Variants in CARD14 observed in about 807,000 individuals in gnomAD.
CARD14 encodes the protein caspase recruitment domain family member 14.
A neutral mutation model predicts 111.5 loss-of-function variants in CARD14; 107 were observed. That is an observed-to-expected ratio of 0.96 (90% CI 0.82 to 1.13). CARD14 has a LOEUF of 1.13. CARD14 is among the 50% of genes most tolerant of loss of function. The probability of loss-of-function intolerance (pLI) is 0.00; values close to 1 mark genes in which losing one functional copy is unlikely to be tolerated. For synonymous variants in CARD14, 617 were observed against 579.6 expected (o/e 1.06, Z -0.93); for missense variants, 1,322 against 1,362.3 (o/e 0.97, Z 0.47).
chr17:80,198,165 AAGC>A lies in CARD14; in HGVS notation c.1658+9_1658+11del, dbSNP rs773281285. The A allele has an allele frequency of 1.3e-5, 21 of 1,613,676 alleles. No individual in the cohort carries two copies. Among genetic ancestry groups the A allele is most frequent in the Admixed American group, 1.7e-5 (1 of 59,996 alleles). ...GGAAGGCTTGATGTCTCGGAGAGGTAAGCAGCAGGTGGGAATCCTCCGAGGCTG... is the reference window on the plus strand; with the variant it reads ...GGAAGGCTTGATGTCTCGGAGAGGTAAGCAGGTGGGAATCCTCCGAGGCTG... On this transcript the variant is annotated splice_donor_5th_base_variant and intron_variant, in intron 15 of 23. Transcript: ENST00000648509. This position sits in a 1 kb window ranked among gnomAD's most constrained non-coding sequence, Gnocchi z 7.5.
At chr17:80,175,030 C>T (rs1464510037) in intron 2 of CARD14, among the ~76,000 whole-genome samples, 1 of 151,680 alleles carries the variant, frequency 6.6e-6, no homozygotes, top group African/African-American at 2.4e-5. Flanking sequence ...GGCTGGAGTG[C>T]AGTGATGCAA....
At chr17:80,191,160 C>T (rs1338522623) in intron 10 of CARD14, among the ~76,000 whole-genome samples, 163 bp from the exon 11 acceptor site, 1 of 152,244 alleles carries the variant, frequency 6.6e-6, no homozygotes, top group Non-Finnish European at 1.5e-5. Context: ...ATCAACACTG[C>T]ACATGTGAAC....
chr17:80,171,172 T>G (rs1427036817), intron 1 of CARD14, among the ~76,000 whole-genome samples: 2 of 23,660 alleles, frequency 8.5e-5, no homozygotes, highest in African/African-American at 1.9e-4. Flanking sequence ...TCCCCTCCCC[T>G]TCCTCCCTCC....
rs2144248236 is a variant in CARD14 at position 80,189,756 on chromosome 17, G to T, written c.847G>T (p.Glu283Ter). The change falls in exon 9 of 24, where the codon GAG (glutamate) becomes TAG (stop). Residue 283 changes from glutamate (E) to a stop codon, truncating the protein, a stop_gained. Transcript: ENST00000648509. LOFTEE classifies it high-confidence loss of function. The surrounding 1 kb of genome is among the most constrained non-coding windows in gnomAD (Gnocchi z 4.7). ...GGCTGACCTCTCTCTGCCCCAGGCG[G>T]AGAAGGACATTCTGGAGCAGAGCCT... Reference protein sequence around the residue: ...KLRSLTFSLAEKDILEQSLDE... With the variant: ...KLRSLTFSLA 6.3e-7 allele frequency: 1 copy of T among 1,577,654 alleles called. No individual in the cohort carries two copies. Among genetic ancestry groups the T allele is most frequent in the Non-Finnish European group, 8.6e-7 (1 of 1,166,180 alleles).
chr17:80,173,325 C>CGT (rs1491108691), intron 2 of CARD14, 97 bp downstream of exon 2: 1 of 57,210 alleles, frequency 1.7e-5, no homozygotes, highest in East Asian at 7.2e-4. Context: ...CACACACACA[C>CGT]GCGCGCGCGC....
chr17:80,204,460 G>A (rs1288563658), intron 20 of CARD14, 119 bp downstream of exon 20: 7 of 979,050 alleles, frequency 7.1e-6, no homozygotes. Flanking sequence ...CCAGGATCTG[G>A]TCTTCAAGAA....
chr17:80,189,916 G>C lies in CARD14; in HGVS notation c.963+44G>C. ...CTCCCTTGTGACTCTCCTGGGGCTTGTCTCAGGGGTGCGGACAGGTCTGTG... is the reference window on the plus strand; with the variant it reads ...CTCCCTTGTGACTCTCCTGGGGCTTCTCTCAGGGGTGCGGACAGGTCTGTG... On this transcript the variant is annotated intron_variant, in intron 9 of 23. Transcript: ENST00000648509. The surrounding 1 kb of genome is among the most constrained non-coding windows in gnomAD (Gnocchi z 4.7). 6.4e-7 allele frequency: 1 copy of C among 1,568,976 alleles called. No individual in the cohort carries two copies. The highest frequency in any genetic ancestry group is 8.6e-7 in the Non-Finnish European group (1 of 1,165,318).
chr17:80,198,932 ATTTCT>A lies in CARD14; in HGVS notation c.1851+349_1851+353del. ...AATTCACTATTTTAACCACTGGGGCATTTCTTTTCTTTCTTTTTTTTTGTTTGTTG... is the reference window on the plus strand; with the variant it reads ...AATTCACTATTTTAACCACTGGGGCATTTCTTTCTTTTTTTTTGTTTGTTG... On this transcript the variant is annotated intron_variant, in intron 16 of 23. Transcript: ENST00000648509. This position sits in a 1 kb window ranked among gnomAD's most constrained non-coding sequence, Gnocchi z 7.5. The A allele has an allele frequency of 3.4e-6, 4 of 1,175,072 alleles. No individual in the cohort carries two copies. The highest frequency in any genetic ancestry group is 1.6e-5 in the African/African-American group (1 of 62,714). 72.8% of individuals were successfully genotyped at this position (1,175,072 alleles called of 1,614,324 possible). A position where few individuals can be genotyped will look rare whatever the true frequency, so the allele number is the denominator to read the frequency against.
In CARD14 at chr17:80,208,357, C is replaced by T; in HGVS notation, c.*12C>T. The T allele has an allele frequency of 6.3e-7, 1 of 1,577,930 alleles. No individual in the cohort carries two copies. The highest frequency in any genetic ancestry group is 1.3e-5 in the African/African-American group (1 of 74,690). ...AGAGCCCCCGATGATGCACCGTGCC[C>T]CTTCCCGGGACTGTGGGGGCTTCTG... On this transcript the variant is annotated 3_prime_UTR_variant, in exon 24 of 24. Coordinates refer to ENST00000648509, the MANE Select transcript of CARD14 (RefSeq NM_001366385.1).
rs764789292 is a variant in CARD14, at chr17:80,208,376, G to A, written c.*31G>A. 3 of 1,527,380 alleles carry A rather than the reference G, an allele frequency of 2.0e-6. No homozygotes were observed. The highest frequency in any genetic ancestry group is 2.7e-6 in the Non-Finnish European group (3 of 1,126,510). The allele number at this position is 1,527,380 out of a possible 1,614,324, so 94.6% of individuals were successfully genotyped here. ...CGTGCCCCTTCCCGGGACTGTGGGG[G>A]CTTCTGTGTGCCTGTTAATGCAGTC... On this transcript the variant is annotated 3_prime_UTR_variant, in exon 24 of 24. Transcript: ENST00000648509.
At chr17:80,186,223 G>A (rs1448197711) in intron 7 of CARD14, among the ~76,000 whole-genome samples, 2 of 150,988 alleles carry the variant, frequency 1.3e-5, no homozygotes, top group African/African-American at 4.9e-5. Flanking sequence ...GCTGACTTTG[G>A]ACCAGGCCAG....
In CARD14 at chr17:80,198,787, GTC is replaced by G. The variant is rs1350146123; in HGVS notation, c.1851+197_1851+198del. The G allele has an allele frequency of 6.7e-7, 1 of 1,492,584 alleles. No homozygotes were observed. Among genetic ancestry groups the G allele is most frequent in the African/African-American group, 1.4e-5 (1 of 71,706 alleles). 92.5% of individuals were successfully genotyped at this position (1,492,584 alleles called of 1,614,324 possible). On this transcript the variant is annotated intron_variant, in intron 16 of 23. Coordinates refer to ENST00000648509, the MANE Select transcript of CARD14 (RefSeq NM_001366385.1). This position sits in a 1 kb window ranked among gnomAD's most constrained non-coding sequence, Gnocchi z 7.5. ...AGTCGTGCCGTGCAGAACCCAGCAT[GTC>G]ACCCGTGGTGCTGCTGCCATGCGGC...
Position 80,181,405 on chromosome 17 carries a change from G to T in CARD14, c.-20-14G>T. 6.5e-7 allele frequency: 1 copy of T among 1,543,460 alleles called. No individual in the cohort carries two copies. Among genetic ancestry groups the T allele is most frequent in the Non-Finnish European group, 8.8e-7 (1 of 1,140,766 alleles). ...CTTACCTGACAACTCCACCCCCATG[G>T]CCACCCCTCCTAGGGTCCTCCCAGC... On this transcript the variant is annotated splice_polypyrimidine_tract_variant and intron_variant, in intron 4 of 23. Coordinates refer to ENST00000648509, the MANE Select transcript of CARD14 (RefSeq NM_001366385.1).
chr17:80,171,707 C>G (rs555400459), intron 1 of CARD14, among the ~76,000 whole-genome samples: 1 of 152,290 alleles, frequency 6.6e-6, no homozygotes, highest in South Asian at 2.1e-4. Context: ...TGAGGGGCAG[C>G]TGGCTGGGGC....
chr17:80,177,252 A>G lies in CARD14; in HGVS notation c.-366-1256A>G, dbSNP rs191733163. On this transcript the variant is annotated intron_variant, in intron 2 of 23. Transcript: ENST00000648509. ...TTCTTCTTTCTTTTTTTTTTAAGAC[A>G]GGGTCTTGCTCTGTCGTCCAGGCTG... 2.2e-3 allele frequency among the ~76,000 whole-genome samples: 328 copies of G among 151,472 alleles called. 1 individual carries two copies. The highest frequency in any genetic ancestry group is 7.6e-3 in the African/African-American group (312 of 41,274).
In CARD14 at chr17:80,188,500, C is replaced by A; in HGVS notation, c.799C>A (p.Leu267Met). Residue 267 changes from leucine to methionine, a missense_variant, in exon 8 of 24, where the codon CTG becomes ATG. By Grantham distance (15) the Leu-to-Met change is conservative. Coordinates refer to ENST00000648509, the MANE Select transcript of CARD14 (RefSeq NM_001366385.1). This position sits in a 1 kb window ranked among gnomAD's most constrained non-coding sequence, Gnocchi z 4.5. ...GTCCGGGGATGAGGAGCTGAACCGC[C>A]TGAAGGAGGAGAATGAGAAACTGCG... ...QESGDEELNRLKEENEKLRSL... is the reference protein window; with the variant it reads ...QESGDEELNRMKEENEKLRSL... 6.4e-7 allele frequency: 1 copy of A among 1,565,318 alleles called. No homozygotes were observed. The highest frequency in any genetic ancestry group is 8.7e-7 in the Non-Finnish European group (1 of 1,156,032).
At chr17:80,175,897 A>G (rs1012284315) in intron 2 of CARD14, among the ~76,000 whole-genome samples, 1 of 137,766 alleles carries the variant, frequency 7.3e-6, no homozygotes, top group African/African-American at 2.7e-5. Context: ...GCTTCCTGGC[A>G]GGGATGAGAG....
Position 80,203,794 on chromosome 17 carries a change from G to A in CARD14, c.2220-28G>A, listed in dbSNP as rs1259765803. ...CCTGCTCACCTGGCAGGAGGCAGCT[G>A]GGTCAGGGCCTCTGCTGGTCTCTGC... On this transcript the variant is annotated intron_variant, in intron 18 of 23. Transcript: ENST00000648509. This position sits in a 1 kb window ranked among gnomAD's most constrained non-coding sequence, Gnocchi z 4.6. 3.2e-6 allele frequency: 5 copies of A among 1,548,124 alleles called. No homozygotes were observed. Among genetic ancestry groups the A allele is most frequent in the Non-Finnish European group, 4.4e-6 (5 of 1,144,148 alleles).
rs768649469 is a variant in CARD14, at chr17:80,195,354, C to CTGGCACTGGGG, written c.1499+34_1499+44dup. On this transcript the variant is annotated intron_variant, in intron 13 of 23. Coordinates refer to ENST00000648509, the MANE Select transcript of CARD14 (RefSeq NM_001366385.1). This position sits in a 1 kb window ranked among gnomAD's most constrained non-coding sequence, Gnocchi z 4.7. ...TTCAGGTAGAGCACTGGGGTCCTTC[C>CTGGCACTGGGG]TGGCACTGGGGTGGCACTGGGGTCC... 1.0e-5 allele frequency: 16 copies of CTGGCACTGGGG among 1,597,890 alleles called. No individual in the cohort carries two copies. In the East Asian group the frequency reaches 1.3e-4, roughly 13 times the overall value.
Sources: allele counts gnomAD v4.1 joint callset (sites outside exome capture counted in the v4.1 genomes callset), GRCh38; gene constraint gnomAD v4.1.1; non-coding constraint Gnocchi (gnomAD v3.1); transcripts MANE v1.5; gene names NCBI Gene and HGNC (gene_info 2026-07-23, HGNC 2026-07-21).